RCOR2: variants seen among roughly 807,000 people sequenced by gnomAD.
RCOR2 encodes the protein REST corepressor 2.
In RCOR2, 19 loss-of-function variants were observed where a neutral mutation model predicts 58.9. The ratio of observed to expected loss-of-function variants is 0.32; its 90% CI spans 0.23 to 0.47. The LOEUF is 0.47. Ranked by LOEUF, RCOR2 falls within the 20% of genes least tolerant of loss-of-function variation. The pLI is 1.00. For missense variants in RCOR2, 590 were observed against 707.9 expected, an observed-to-expected ratio of 0.83 and a Z score of 1.89; for synonymous variants, 286 against 278.7, an observed-to-expected ratio of 1.03 and a Z score of -0.26.
In RCOR2 at chr11:63,916,370, G is replaced by A. The variant is rs1469862937; in HGVS notation, c.87C>T (p.Pro29=). The A allele has an allele frequency of 6.2e-7, 1 of 1,607,600 alleles. No homozygotes were observed. The highest frequency in any genetic ancestry group is 1.7e-5 in the Admixed American group (1 of 59,492). Reference sequence around the variant, plus strand: ...CCTCGCTGCTGTCATCCTCCGAGTGGGGCTGTCCGCCGTTGGGCACCGTCT... The same window carrying A: ...CCTCGCTGCTGTCATCCTCCGAGTGAGGCTGTCCGCCGTTGGGCACCGTCT... ...RAKTVPNGGQ[P]HSEDDSSEEE... is the part of the protein sequence containing the mutation. Residue 29 remains proline (P), a synonymous_variant, in exon 1 of 12, where the codon CCC becomes CCT. Coordinates refer to ENST00000301459, the MANE Select transcript of RCOR2 (RefSeq NM_173587.4).
intron 8 of RCOR2, among the ~76,000 whole-genome samples, chr11:63,913,570 C>T (rs1297477305): frequency 6.6e-6 from 1 of 150,952 alleles, no homozygotes; most frequent in African/African-American, 2.4e-5. Context: ...GCAACCTCCG[C>T]CTCCCAAGTT....
At position 63,912,744 on chromosome 11, in the gene RCOR2, A is replaced by T; in HGVS notation, c.970-11T>A. On this transcript the variant is annotated splice_polypyrimidine_tract_variant and intron_variant, in intron 9 of 11. Transcript: ENST00000301459. The stretch of plus-strand genomic sequence containing the variant: ...GAACTTGGTGTTGGCCTGGAAAGCA[A>T]GGAACAACATATCCTTTAGACTCAA... The T allele has an allele frequency of 6.2e-7, 1 of 1,613,948 alleles. No homozygotes were observed. Among genetic ancestry groups the T allele is most frequent in the Non-Finnish European group, 8.5e-7 (1 of 1,179,868 alleles).
upstream of RCOR2, among the ~76,000 whole-genome samples, chr11:63,920,385 G>A (rs73494160): frequency 8.6e-3 from 1,306 of 152,242 alleles, 17 homozygotes; most frequent in African/African-American, 0.029. Context: ...CCCTCCTCCC[G>A]CAGGCGGGGG....
At chr11:63,925,688 C>T in the RCOR2 span, among the ~76,000 whole-genome samples, 10 of 151,210 alleles carry the variant, frequency 6.6e-5, no homozygotes, top group South Asian at 1.9e-3. Flanking sequence ...TGTGGTGGCA[C>T]GTGCCTGTGG....
At chr11:63,912,638 T>G (rs1941788392) in intron 10 of RCOR2, 38 bp downstream of exon 10, 1 of 1,609,390 alleles carries the variant, frequency 6.2e-7, no homozygotes. Flanking sequence ...GGGAGATAGA[T>G]TCCTGGGGTC....
the RCOR2 span, among the ~76,000 whole-genome samples, chr11:63,922,238 C>A: frequency 6.6e-6 from 1 of 152,192 alleles, no homozygotes; most frequent in Non-Finnish European, 1.5e-5. Context: ...TACAGCAACA[C>A]AAAATGGACT....
Position 63,912,103 on chromosome 11 carries a change from G to A in RCOR2, c.1334C>T (p.Ser445Leu), listed in dbSNP as rs1941772037. 1.2e-5 allele frequency: 18 copies of A among 1,498,990 alleles called. No homozygotes were observed. Among genetic ancestry groups the A allele is most frequent in the African/African-American group, 2.8e-5 (2 of 70,376 alleles). The allele number at this position is 1,498,990 out of a possible 1,614,324, so 92.9% of individuals were successfully genotyped here. Residue 445 changes from serine to leucine, a missense_variant, in exon 12 of 12, where the codon TCG becomes TTG. Around this residue, in one of 3 missense-constraint regions of RCOR2, gnomAD observed 196 missense variants for 210.7 expected, o/e 0.93. Coordinates refer to ENST00000301459, the MANE Select transcript of RCOR2 (RefSeq NM_173587.4). The stretch of plus-strand genomic sequence containing the variant: ...CAGCAGCGGGGGTGGCTGGGACAGC[G>A]AGGTGGGAGGTGGAGGGGGTGGTGG... The part of the protein sequence containing the change: ...PAPPPPPPPT[S>L]LSQPPPLLRP...
chr11:63,911,902 A>G lies in RCOR2; in HGVS notation c.1535T>C (p.Ile512Thr), dbSNP rs1442554480. 18 of 1,172,714 alleles carry G rather than the reference A, an allele frequency of 1.5e-5. No individual in the cohort carries two copies. The highest frequency in any genetic ancestry group is 5.7e-4 in the Middle Eastern group (2 of 3,534). The allele number at this position is 1,172,714 out of a possible 1,614,324, so 72.6% of individuals were successfully genotyped here. A position where few individuals can be genotyped will look rare whatever the true frequency, so the allele number is the denominator to read the frequency against. ...TGCTGGGGGCTCCAGAGGGGTTCCA[A>G]TCAGGGTGGGTGGGGGCTGAGGGCC... is the stretch of plus-strand genomic sequence containing the variant. ...RPGPQPPPTL[I>T]GTPLEPPAPS... The change falls in exon 12 of 12, where the codon ATT becomes ACT. Residue 512 changes from isoleucine to threonine, a missense_variant. Physicochemically the swap from Ile to Thr is moderately conservative, Grantham distance 89. Transcript: ENST00000301459.
the RCOR2 span, among the ~76,000 whole-genome samples, chr11:63,924,855 A>AT: frequency 8.7e-4 from 125 of 143,748 alleles, no homozygotes; most frequent in Middle Eastern, 3.6e-3. Flanking sequence ...AGCCAAGGTG[A>AT]TTTTTTTTTT....
chr11:63,925,943 C>T, the RCOR2 span, among the ~76,000 whole-genome samples: 1 of 151,860 alleles, frequency 6.6e-6, no homozygotes, highest in East Asian at 1.9e-4. Context: ...CACTTTTGCT[C>T]TTGTCGCCCA....
Position 63,912,187 on chromosome 11 carries a change from G to T in RCOR2, c.1258-8C>A. 1 of 1,571,196 alleles carries T rather than the reference G, an allele frequency of 6.4e-7. No individual in the cohort carries two copies. Among genetic ancestry groups the T allele is most frequent in the Non-Finnish European group, 8.6e-7 (1 of 1,159,652 alleles). ...GACCGATGTAATCTGGACCTGAGGG[G>T]AGAGGAAAGAGTGAGAAGCCAGGCT... is the stretch of plus-strand genomic sequence containing the variant. On this transcript the variant is annotated splice_region_variant and splice_polypyrimidine_tract_variant and intron_variant, in intron 11 of 11. Coordinates refer to ENST00000301459, the MANE Select transcript of RCOR2 (RefSeq NM_173587.4).
upstream of RCOR2, among the ~76,000 whole-genome samples, chr11:63,921,706 T>C (rs1941916594): frequency 6.6e-6 from 1 of 151,928 alleles, no homozygotes. Context: ...CTGGCTTTCA[T>C]CTGAAGCCGT....
the RCOR2 span, among the ~76,000 whole-genome samples, chr11:63,923,459 T>C: frequency 6.6e-6 from 1 of 151,706 alleles, no homozygotes; most frequent in African/African-American, 2.4e-5. Flanking sequence ...CACCTCCCAC[T>C]CACTCCCCAA....
rs1440033982 is a variant in RCOR2 at position 63,915,432 on chromosome 11, G to A, written c.184+123C>T. 8 of 1,183,230 alleles carry A rather than the reference G, an allele frequency of 6.8e-6. No individual in the cohort carries two copies. In the East Asian group the frequency reaches 1.8e-4, roughly 27 times the overall value. The allele number at this position is 1,183,230 out of a possible 1,614,324, so 73.3% of individuals were successfully genotyped here. A position where few individuals can be genotyped will look rare whatever the true frequency, so the allele number is the denominator to read the frequency against. The stretch of plus-strand genomic sequence containing the variant: ...GGCAGGAAAGCAAACCATGCTGGGG[G>A]GCCACCCACCCCTGCCAGCCTGCCC... On this transcript the variant is annotated intron_variant, in intron 2 of 11. Transcript: ENST00000301459.
chr11:63,919,975 G>C (rs1941905033), upstream of RCOR2, among the ~76,000 whole-genome samples: 1 of 152,234 alleles, frequency 6.6e-6, no homozygotes, highest in Non-Finnish European at 1.5e-5. Context: ...GCCTGGGCCA[G>C]AAAAGGCTCC....
At chr11:63,917,615 G>A (rs893692288), upstream of RCOR2, among the ~76,000 whole-genome samples, 3 of 152,166 alleles carry the variant, frequency 2.0e-5, no homozygotes, top group South Asian at 2.1e-4. Context: ...GCGCCCTTGG[G>A]GGCCAGAACG....
chr11:63,925,655 C>CA, the RCOR2 span, among the ~76,000 whole-genome samples: 25,706 of 135,942 alleles, frequency 0.19, 3,654 homozygotes, highest in African/African-American at 0.4. Context: ...CCTGCCTCTA[C>CA]AAAAAAAAAA....
Position 63,911,299 on chromosome 11 carries a change from C to G in RCOR2, c.*566G>C, listed in dbSNP as rs1426023012. Reference sequence around the variant, plus strand: ...ATCCATGTCTGCATAAGTTCCCAACCCCCATTTCTCCAAGTTTCTGGAAGG... The same window carrying G: ...ATCCATGTCTGCATAAGTTCCCAACGCCCATTTCTCCAAGTTTCTGGAAGG... On this transcript the variant is annotated 3_prime_UTR_variant, in exon 12 of 12. Transcript: ENST00000301459. 6.6e-6 allele frequency: 1 copy of G among 152,214 alleles called. No individual in the cohort carries two copies. Among genetic ancestry groups the G allele is most frequent in the Admixed American group, 6.5e-5 (1 of 15,284 alleles). 9.4% of individuals were successfully genotyped at this position (152,214 alleles called of 1,614,324 possible).
Position 63,917,106 on chromosome 11 carries a change from G to A in RCOR2, c.-650C>T, listed in dbSNP as rs1941870566. Among the ~76,000 whole-genome samples, 1 of 151,492 alleles carries A rather than the reference G, an allele frequency of 6.6e-6. No homozygotes were observed. The highest frequency in any genetic ancestry group is 2.4e-5 in the African/African-American group (1 of 41,362). On this transcript the variant is annotated 5_prime_UTR_variant, in exon 1 of 12. Transcript: ENST00000301459. ...CCGGCGCGCTCGCTCTCCCCGCCGC[G>A]CTCGGGATGCCGCTTGCTCGCCCGC...
Sources: gnomAD v4.1 joint callset for allele counts (sites outside exome capture counted in the v4.1 genomes callset) on GRCh38, gnomAD v4.1.1 for gene constraint, gnomAD v4.1.1 regional missense constraint, MANE v1.5 for transcripts, NCBI Gene and HGNC (gene_info 2026-07-23, HGNC 2026-07-21) for gene names.